ACSL1: variants seen among roughly 807,000 people sequenced by gnomAD.
ACSL1 encodes the protein long-chain-fatty-acid--CoA ligase 1.
Under a neutral mutation model 98.4 loss-of-function variants are expected in ACSL1, and 41 were observed. The observed-to-expected ratio is 0.42, with a 90% CI of 0.32 to 0.54. The LOEUF is 0.54. Among genes scored for constraint, ACSL1 ranks in the 20% least tolerant of loss-of-function variants. ACSL1 has a pLI of 0.13. For synonymous variants in ACSL1, 316 were observed against 322.7 expected (o/e 0.98, Z 0.22); for missense variants, 734 against 883.1 (o/e 0.83, Z 2.14).
chr4:184,818,630 G>C (rs914841383), intron 1 of ACSL1, among the ~76,000 whole-genome samples: 1 of 152,168 alleles, frequency 6.6e-6, no homozygotes, highest in African/African-American at 2.4e-5. Context: ...ATGCTTACTA[G>C]CGGTAAGGCC....
chr4:184,812,116 T>C (rs1355102908), intron 1 of ACSL1: 1 of 887,484 alleles, frequency 1.1e-6, no homozygotes, highest in African/African-American at 1.8e-5. Flanking sequence ...CTTCTTTATT[T>C]GTAACCCCTG....
At chr4:184,795,032 T>C (rs571631379) in intron 2 of ACSL1, among the ~76,000 whole-genome samples, 1 of 152,192 alleles carries the variant, frequency 6.6e-6, no homozygotes, top group African/African-American at 2.4e-5. Flanking sequence ...CCCGCCTCAA[T>C]GAAAGGGAAG....
intron 3 of ACSL1, among the ~76,000 whole-genome samples, chr4:184,784,508 A>C (rs1766882714): frequency 1.3e-5 from 2 of 152,226 alleles, no homozygotes; most frequent in Admixed American, 6.5e-5. Context: ...TGAAGTCATG[A>C]TTGCAGAAAA....
chr4:184,793,777 C>G (rs768493212), intron 2 of ACSL1, among the ~76,000 whole-genome samples: 1 of 152,140 alleles, frequency 6.6e-6, no homozygotes, highest in Non-Finnish European at 1.5e-5. Context: ...CTCTAGGGTG[C>G]AAAGGAGCAT....
At position 184,773,758 on chromosome 4, in the gene ACSL1, A is replaced by G; in HGVS notation, c.790-44T>C. 1 of 1,608,382 alleles carries G rather than the reference A, an allele frequency of 6.2e-7. No homozygotes were observed. Reference sequence around the variant, plus strand: ...AAAAGCTGGTATAAATCAGAACAGAAAAGAGAACTATAAGCCACAAGGTAC... The same window carrying G: ...AAAAGCTGGTATAAATCAGAACAGAGAAGAGAACTATAAGCCACAAGGTAC... On this transcript the variant is annotated intron_variant, in intron 8 of 20. Coordinates refer to ENST00000281455, the MANE Select transcript of ACSL1 (RefSeq NM_001995.5). The surrounding 1 kb of genome is among the most constrained non-coding windows in gnomAD (Gnocchi z 4.3).
At chr4:184,787,390 G>A (rs905321151) in intron 3 of ACSL1, among the ~76,000 whole-genome samples, 4 of 152,214 alleles carry the variant, frequency 2.6e-5, no homozygotes, top group East Asian at 1.9e-4. Context: ...CAGGAGTTAT[G>A]CAGAAGGAAT....
chr4:184,786,223 C>T (rs554790615), intron 3 of ACSL1, among the ~76,000 whole-genome samples: 4 of 152,216 alleles, frequency 2.6e-5, no homozygotes, highest in African/African-American at 9.6e-5. Flanking sequence ...ACATAAGAAG[C>T]GTGGTCTTTA....
intron 15 of ACSL1, among the ~76,000 whole-genome samples, chr4:184,763,804 A>G (rs1181071000): frequency 6.6e-6 from 1 of 152,234 alleles, no homozygotes; most frequent in East Asian, 1.9e-4. Flanking sequence ...AAGGCTGTTA[A>G]GACTGGGCTG....
chr4:184,757,391 T>A lies in ACSL1; in HGVS notation c.1957-126A>T. The A allele has an allele frequency of 4.0e-6, 5 of 1,259,282 alleles. No individual in the cohort carries two copies. Among genetic ancestry groups the A allele is most frequent in the Non-Finnish European group, 5.4e-6 (5 of 922,232 alleles). The allele number at this position is 1,259,282 out of a possible 1,614,324, so 78.0% of individuals were successfully genotyped here. On this transcript the variant is annotated intron_variant, in intron 20 of 20. Transcript: ENST00000281455. The surrounding 1 kb of genome is among the most constrained non-coding windows in gnomAD (Gnocchi z 4.5). ...ATCCATCCTCTCATTTCAGCCAAGC[T>A]GCACCTTCTCAACAAAGGACAGGCA...
At chr4:184,800,241 G>A (rs778496136) in intron 2 of ACSL1, among the ~76,000 whole-genome samples, 1 of 152,190 alleles carries the variant, frequency 6.6e-6, no homozygotes, top group Non-Finnish European at 1.5e-5. Flanking sequence ...GAATCTGAAG[G>A]TCAGAAAATC....
chr4:184,819,985 G>A (rs1772932447), intron 1 of ACSL1, among the ~76,000 whole-genome samples: 1 of 152,254 alleles, frequency 6.6e-6, no homozygotes, highest in South Asian at 2.1e-4. Context: ...CTGACTGACT[G>A]GACTTCAGGG....
rs528714926 is a variant in ACSL1, at chr4:184,766,046, T to G, written c.1264-60A>C. On this transcript the variant is annotated intron_variant, in intron 13 of 20. Coordinates refer to ENST00000281455, the MANE Select transcript of ACSL1 (RefSeq NM_001995.5). This position sits in a 1 kb window ranked among gnomAD's most constrained non-coding sequence, Gnocchi z 4.8. ...TACACACCTGGAAGTCGGCGGCCTC[T>G]CCGCCAAGGGGGCCTGCTTGGGACC... 6.5e-7 allele frequency: 1 copy of G among 1,549,076 alleles called. No homozygotes were observed. Among genetic ancestry groups the G allele is most frequent in the East Asian group, 2.3e-5 (1 of 44,384 alleles).
rs1208114242 is a variant in ACSL1, at chr4:184,776,676, GAT to G, written c.578-16_578-15del. On this transcript the variant is annotated splice_polypyrimidine_tract_variant and intron_variant, in intron 6 of 20. Coordinates refer to ENST00000281455, the MANE Select transcript of ACSL1 (RefSeq NM_001995.5). ...GAGAGAGTTCAGCTGTAAATGAAGAGATACAATGAAGAATAAGCTCTGGGATG... is the reference window on the plus strand; with the variant it reads ...GAGAGAGTTCAGCTGTAAATGAAGAGACAATGAAGAATAAGCTCTGGGATG... The G allele has an allele frequency of 6.2e-7, 1 of 1,605,088 alleles. No homozygotes were observed. Among genetic ancestry groups the G allele is most frequent in the Non-Finnish European group, 8.5e-7 (1 of 1,178,010 alleles).
chr4:184,799,650 C>A (rs1337702543), intron 2 of ACSL1, among the ~76,000 whole-genome samples: 1 of 152,104 alleles, frequency 6.6e-6, no homozygotes, highest in Non-Finnish European at 1.5e-5. Context: ...GAGTTTGAGA[C>A]CAGCCTGGGC....
At chr4:184,824,002 T>C (rs140834507) in intron 1 of ACSL1, among the ~76,000 whole-genome samples, 4 of 152,300 alleles carry the variant, frequency 2.6e-5, no homozygotes, top group Admixed American at 2.6e-4. Flanking sequence ...ACCAAAAACT[T>C]AGAAGCCCAG....
At chr4:184,813,557 T>G in intron 1 of ACSL1, 1 of 222,700 alleles carries the variant, frequency 4.5e-6, no homozygotes, top group Non-Finnish European at 9.6e-6. Flanking sequence ...ACAGGAAGAG[T>G]CGGAATTGTG....
rs754746064 is a variant in ACSL1, at chr4:184,773,872, G to C, written c.760C>G (p.Leu254Val). ...GGCTTCCGTCTGTTGGCTCTTCCCA[G>C]GTCCTTAATTAGAAGAGAAAAAAAG... is the stretch of plus-strand genomic sequence containing the variant. ...EVTSMKAMED[L>V]GRANRRKPKP... Residue 254 changes from leucine (L) to valine (V), a missense_variant, in exon 8 of 21, where the codon CTG (leucine) becomes GTG (valine). Transcript: ENST00000281455. The surrounding 1 kb of genome is among the most constrained non-coding windows in gnomAD (Gnocchi z 4.3). The C allele has an allele frequency of 2.5e-6, 4 of 1,613,792 alleles. No individual in the cohort carries two copies. Among genetic ancestry groups the C allele is most frequent in the Admixed American group, 3.3e-5 (2 of 59,998 alleles).
At chr4:184,787,543 G>T (rs924751212) in intron 3 of ACSL1, among the ~76,000 whole-genome samples, 2 of 152,114 alleles carry the variant, frequency 1.3e-5, no homozygotes, top group Admixed American at 6.5e-5. Context: ...CCAGGCTGGG[G>T]GTAGAAAGAG....
intron 18 of ACSL1, among the ~76,000 whole-genome samples, chr4:184,759,389 A>T (rs1038532038): frequency 6.6e-6 from 1 of 152,244 alleles, no homozygotes; most frequent in African/African-American, 2.4e-5. Context: ...CTACCATCAG[A>T]GCGAACAGGC....
Sources: allele counts gnomAD v4.1 joint callset (sites outside exome capture counted in the v4.1 genomes callset), GRCh38; gene constraint gnomAD v4.1.1; non-coding constraint Gnocchi (gnomAD v3.1); transcripts MANE v1.5; gene names NCBI Gene and HGNC (gene_info 2026-07-23, HGNC 2026-07-21).